The following METTL15 variants were observed in gnomAD, a reference collection of about 807,000 sequenced individuals.
The protein encoded by METTL15 is 12S rRNA N(4)-cytidine methyltransferase METTL15.
Under a neutral mutation model 38.3 loss-of-function variants are expected in METTL15, and 34 were observed. The observed-to-expected ratio is 0.89, with a 90% CI of 0.68 to 1.18. The LOEUF (loss-of-function observed/expected upper bound fraction) is 1.18. METTL15 is among the 50% of genes most tolerant of loss of function. METTL15 has a pLI of 0.00. For missense variants in METTL15, 438 were observed against 498.4 expected, an observed-to-expected ratio of 0.88 and a Z score of 1.15; for synonymous variants, 162 against 170.9, an observed-to-expected ratio of 0.95 and a Z score of 0.41.
intron 6 of METTL15, among the ~76,000 whole-genome samples, chr11:28,324,717 C>T (rs1849575524): frequency 1.3e-5 from 2 of 152,140 alleles, no homozygotes; most frequent in Admixed American, 1.3e-4. Context: ...TGATGCTGCT[C>T]ATTTAGTCAC....
At chr11:28,302,443 A>G (rs570293213) in intron 6 of METTL15, among the ~76,000 whole-genome samples, 1 of 152,184 alleles carries the variant, frequency 6.6e-6, no homozygotes, top group African/African-American at 2.4e-5. Flanking sequence ...GTGTTGTGGG[A>G]GGGACCCACT....
chr11:28,140,019 T>A (rs1221922678), intron 3 of METTL15, among the ~76,000 whole-genome samples: 1 of 152,178 alleles, frequency 6.6e-6, no homozygotes, highest in Non-Finnish European at 1.5e-5. Flanking sequence ...CCCATGTGGC[T>A]GTTGGATGGA....
chr11:28,387,794 TA>T (rs1376366735), intron 5 of METTL15, among the ~76,000 whole-genome samples: 1 of 152,074 alleles, frequency 6.6e-6, no homozygotes, highest in Non-Finnish European at 1.5e-5. Flanking sequence ...CAAATTTCCT[TA>T]ACAAAATACT....
At chr11:28,471,441 GT>G (rs1331961004) in intron 6 of METTL15, among the ~76,000 whole-genome samples, 1 of 152,128 alleles carries the variant, frequency 6.6e-6, no homozygotes, top group African/African-American at 2.4e-5. Context: ...GAAAAGTCCA[GT>G]TCCTTTTTGT....
intron 4 of METTL15, among the ~76,000 whole-genome samples, chr11:28,263,501 G>A (rs1855292057): frequency 6.6e-6 from 1 of 151,988 alleles, no homozygotes; most frequent in Admixed American, 6.6e-5. Context: ...TATTTTTGTA[G>A]ACAATAGAAT....
chr11:28,207,232 A>G (rs1247905844), intron 3 of METTL15, among the ~76,000 whole-genome samples: 1 of 151,808 alleles, frequency 6.6e-6, no homozygotes, highest in Non-Finnish European at 1.5e-5. Context: ...TCAGTATGAT[A>G]TTGGCTGTGG....
At chr11:28,361,601 G>T (rs1172404422) in intron 4 of METTL15, among the ~76,000 whole-genome samples, 4 of 152,196 alleles carry the variant, frequency 2.6e-5, no homozygotes, top group East Asian at 1.9e-4. Context: ...TAAATGAGGA[G>T]TTCTAATAAA....
At chr11:28,248,107 CT>C (rs1565200091) in intron 4 of METTL15, among the ~76,000 whole-genome samples, 2 of 152,082 alleles carry the variant, frequency 1.3e-5, no homozygotes, top group Non-Finnish European at 2.9e-5. Flanking sequence ...CCTTCAGTCA[CT>C]TCTCATACTT....
chr11:28,154,454 G>T (rs981131422), intron 3 of METTL15, among the ~76,000 whole-genome samples: 12 of 152,026 alleles, frequency 7.9e-5, no homozygotes, highest in African/African-American at 2.7e-4. Context: ...TTGTATGAGG[G>T]TATAGATAAG....
downstream of METTL15, among the ~76,000 whole-genome samples, chr11:28,531,442 C>A (rs1238146098): frequency 6.6e-6 from 1 of 151,934 alleles, no homozygotes; most frequent in Admixed American, 6.6e-5. Context: ...AACCACTGAG[C>A]CATGTGAAAA....
At chr11:28,297,837 A>T (rs1856793157) in intron 6 of METTL15, among the ~76,000 whole-genome samples, 1 of 152,046 alleles carries the variant, frequency 6.6e-6, no homozygotes. Context: ...AAAAAGGAAT[A>T]TTTGTGTAAC....
chr11:28,181,728 T>G (rs969895487), intron 3 of METTL15, among the ~76,000 whole-genome samples: 1 of 152,152 alleles, frequency 6.6e-6, no homozygotes, highest in African/African-American at 2.4e-5. Context: ...CGTGTGTGCA[T>G]GTGTCTTTAT....
chr11:28,411,719 CAAAT>C, intron 5 of METTL15, among the ~76,000 whole-genome samples: 1 of 151,764 alleles, frequency 6.6e-6, no homozygotes, highest in African/African-American at 2.4e-5. Context: ...GCTCAGGTAC[CAAAT>C]AAATAAGTAA....
intron 3 of METTL15, among the ~76,000 whole-genome samples, chr11:28,351,121 T>A (rs1004643754): frequency 1.3e-4 from 19 of 150,844 alleles, no homozygotes; most frequent in African/African-American, 4.4e-4. Flanking sequence ...AAAAAAAATT[T>A]TTTTTTTTTA....
chr11:28,374,656 T>G (rs1850285557), intron 5 of METTL15, among the ~76,000 whole-genome samples: 1 of 149,056 alleles, frequency 6.7e-6, no homozygotes, highest in Non-Finnish European at 1.5e-5. Flanking sequence ...ATACCCTTTA[T>G]TTCCTTCTCC....
At chr11:28,483,383 C>T (rs992034141) in intron 6 of METTL15, among the ~76,000 whole-genome samples, 3 of 152,080 alleles carry the variant, frequency 2.0e-5, no homozygotes, top group Admixed American at 1.3e-4. Flanking sequence ...CCTTTGGCCT[C>T]GACATTAAGA....
At chr11:28,267,301 G>A (rs752079250) in intron 4 of METTL15, among the ~76,000 whole-genome samples, 1 of 152,048 alleles carries the variant, frequency 6.6e-6, no homozygotes, top group African/African-American at 2.4e-5. Context: ...AAAATTGCCA[G>A]GCATGCCTCT....
chr11:28,406,122 GT>G (rs1170197658), intron 5 of METTL15, among the ~76,000 whole-genome samples: 1 of 151,848 alleles, frequency 6.6e-6, no homozygotes, highest in African/African-American at 2.4e-5. Flanking sequence ...TTTTAAAATA[GT>G]TTTTTTTCTA....
chr11:28,236,935 TCTATTCTAG>T (rs1196622284), intron 4 of METTL15, among the ~76,000 whole-genome samples: 1 of 152,218 alleles, frequency 6.6e-6, no homozygotes, highest in African/African-American at 2.4e-5. Context: ...TGGCCCCCAC[TCTATTCTAG>T]CTTGTAGAGT....
Sources: allele counts gnomAD v4.1 joint callset (sites outside exome capture counted in the v4.1 genomes callset), GRCh38; gene constraint gnomAD v4.1.1; transcripts MANE v1.5; gene names NCBI Gene and HGNC (gene_info 2026-07-23, HGNC 2026-07-21).